The following CEP112 variants were observed in gnomAD, a reference collection of about 807,000 sequenced individuals.
CEP112 encodes the protein centrosomal protein 112.
Under a neutral mutation model 153.0 loss-of-function variants are expected in CEP112, and 127 were observed. The ratio of observed to expected loss-of-function variants is 0.83; its 90% CI spans 0.72 to 0.96. The LOEUF is 0.96. Ranked by LOEUF, CEP112 falls within the 40% of genes least tolerant of loss-of-function variation. CEP112 has a pLI of 0.00. For missense variants in CEP112, 1,089 were observed against 1,101.2 expected (o/e 0.99, Z 0.16); for synonymous variants, 358 against 374.4 (o/e 0.96, Z 0.51).
At chr17:66,151,514 G>A (rs1370967788) in intron 4 of CEP112, among the ~76,000 whole-genome samples, 1 of 152,124 alleles carries the variant, frequency 6.6e-6, no homozygotes, top group African/African-American at 2.4e-5. Flanking sequence ...TTAATAAACA[G>A]AATCCGACAA....
At chr17:66,019,494 G>T (rs752174277) in intron 16 of CEP112, among the ~76,000 whole-genome samples, 1 of 152,124 alleles carries the variant, frequency 6.6e-6, no homozygotes, top group Non-Finnish European at 1.5e-5. Context: ...AAGAAAAACA[G>T]ATGTCAATGT....
intron 23 of CEP112, among the ~76,000 whole-genome samples, chr17:65,707,393 A>G (rs2048970866): frequency 6.6e-6 from 1 of 152,170 alleles, no homozygotes; most frequent in East Asian, 1.9e-4. Context: ...CTCCAATAGC[A>G]TAGCAGTCTC....
At chr17:65,780,236 T>C (rs1193595502) in intron 21 of CEP112, among the ~76,000 whole-genome samples, 1 of 152,120 alleles carries the variant, frequency 6.6e-6, no homozygotes, top group Non-Finnish European at 1.5e-5. Context: ...AATGATCACA[T>C]AAGATTTACA....
rs201505039 is a variant in CEP112 at position 65,764,397 on chromosome 17, G to A, written c.2395-13673C>T. Among the ~76,000 whole-genome samples the A allele has an allele frequency of 2.7e-4, 41 of 152,160 alleles. No homozygotes were observed. The East Asian group carries it at 4.9e-3, about 18-fold the overall frequency. On this transcript the variant is annotated intron_variant, in intron 21 of 26. Transcript: ENST00000535342. ...TATTGCTATCTATTTCTCCCTTCAT[G>A]TCCATTAATATTTGCTTTATATATT...
chr17:65,999,391 C>T (rs2063924784), intron 17 of CEP112, among the ~76,000 whole-genome samples: 1 of 152,032 alleles, frequency 6.6e-6, no homozygotes, highest in South Asian at 2.1e-4. Context: ...TTAGTGGATA[C>T]GGGGTTTCAC....
chr17:65,723,388 T>C (rs989009612), intron 23 of CEP112, among the ~76,000 whole-genome samples: 1 of 152,206 alleles, frequency 6.6e-6, no homozygotes, highest in African/African-American at 2.4e-5. Context: ...ATGGAATAAT[T>C]AGTTTTTTAG....
At chr17:66,157,299 A>G (rs2071485845) in intron 4 of CEP112, among the ~76,000 whole-genome samples, 1 of 152,226 alleles carries the variant, frequency 6.6e-6, no homozygotes, top group African/African-American at 2.4e-5. Context: ...GTGAAGGAGA[A>G]ATAAAATCCT....
At chr17:65,902,006 G>GGGA (rs1277838039) in intron 20 of CEP112, 146 bp downstream of exon 20, 39 of 243,272 alleles carry the variant, frequency 1.6e-4, no homozygotes, top group African/African-American at 3.5e-4. Context: ...GGGTGGGGGG[G>GGGA]AGAAAAACAA....
At chr17:65,776,359 CGAGT>C (rs1205676045) in intron 21 of CEP112, among the ~76,000 whole-genome samples, 1 of 152,158 alleles carries the variant, frequency 6.6e-6, no homozygotes, top group East Asian at 1.9e-4. Context: ...CTCAGCCTCC[CGAGT>C]ATCTGGGACT....
At chr17:65,937,576 C>T (rs1225513909) in intron 18 of CEP112, among the ~76,000 whole-genome samples, 3 of 70,658 alleles carry the variant, frequency 4.2e-5, no homozygotes, top group African/African-American at 4.8e-5. Context: ...TGGGGGGGGT[C>T]AGCCCCCCAC....
chr17:65,695,133 A>G (rs1160512140), intron 23 of CEP112, among the ~76,000 whole-genome samples: 1 of 152,230 alleles, frequency 6.6e-6, no homozygotes, highest in Non-Finnish European at 1.5e-5. Flanking sequence ...GGTCGGGAAT[A>G]AAGAATGACA....
At chr17:65,860,759 T>C (rs1450444432) in intron 20 of CEP112, among the ~76,000 whole-genome samples, 4 of 152,220 alleles carry the variant, frequency 2.6e-5, no homozygotes, top group Non-Finnish European at 5.9e-5. Flanking sequence ...TTTAGGTCTA[T>C]ATCCAAGAGA....
At chr17:65,696,834 TA>T (rs913138455) in intron 23 of CEP112, among the ~76,000 whole-genome samples, 6 of 151,064 alleles carry the variant, frequency 4.0e-5, no homozygotes, top group African/African-American at 7.3e-5. Context: ...AAGTCCCACT[TA>T]AAAAAAAATG....
At chr17:65,956,063 A>T (rs1382603932) in intron 18 of CEP112, among the ~76,000 whole-genome samples, 1 of 152,224 alleles carries the variant, frequency 6.6e-6, no homozygotes, top group Non-Finnish European at 1.5e-5. Flanking sequence ...ATTCAGAAGG[A>T]CATGGAACAT....
At chr17:65,989,252 GAA>G (rs1198986542) in intron 17 of CEP112, among the ~76,000 whole-genome samples, 968 of 30,824 alleles carry the variant, frequency 0.031, 15 homozygotes, top group African/African-American at 0.17. Flanking sequence ...AAAAAAAAAA[GAA>G]AGAAAGAAAA....
At chr17:65,637,033 AT>A in intron 26 of CEP112, 90 bp downstream of exon 26, 1 of 977,774 alleles carries the variant, frequency 1.0e-6, no homozygotes, top group Non-Finnish European at 1.6e-6. Context: ...ATATCCAAGC[AT>A]TTTAATAAAG....
chr17:66,158,502 CACAGGAGGCTGAG>C (rs1325543873), intron 4 of CEP112, among the ~76,000 whole-genome samples: 1 of 152,054 alleles, frequency 6.6e-6, no homozygotes, highest in Non-Finnish European at 1.5e-5. Context: ...GTCCCAGCTA[CACAGGAGGCTGAG>C]ACAGGAGAAT....
At chr17:65,871,198 G>T (rs1234437474) in intron 20 of CEP112, among the ~76,000 whole-genome samples, 7 of 152,276 alleles carry the variant, frequency 4.6e-5, no homozygotes, top group African/African-American at 1.7e-4. Flanking sequence ...AAAGGAGAGT[G>T]CTGCCCCCTG....
intron 23 of CEP112, among the ~76,000 whole-genome samples, chr17:65,723,719 T>C (rs2050022398): frequency 6.6e-6 from 1 of 152,248 alleles, no homozygotes. Context: ...AGAATGTTTC[T>C]GCATATTTTA....
Sources: gnomAD v4.1 joint callset for allele counts (sites outside exome capture counted in the v4.1 genomes callset) on GRCh38, gnomAD v4.1.1 for gene constraint, MANE v1.5 for transcripts, NCBI Gene and HGNC (gene_info 2026-07-23, HGNC 2026-07-21) for gene names.